The following ZFHX4 variants were observed in gnomAD, a reference collection of about 807,000 sequenced individuals.
ZFHX4 encodes zinc finger homeobox 4, also known as zinc finger homeobox protein 4.
Under a neutral mutation model 267.6 loss-of-function variants are expected in ZFHX4, and 56 were observed. The observed-to-expected ratio is 0.21, with a 90% CI of 0.17 to 0.26. The LOEUF is 0.26. ZFHX4 is among the 10% of genes least tolerant of loss of function. The pLI, the probability that ZFHX4 is intolerant of heterozygous loss-of-function variation, is 1.00. For synonymous variants in ZFHX4, 1,778 were observed against 1,665.6 expected, an observed-to-expected ratio of 1.07 and a Z score of -1.64; for missense variants, 4,332 against 4,420.0, an observed-to-expected ratio of 0.98 and a Z score of 0.56.
At chr8:76,749,187 T>G (rs1214075888) in intron 3 of ZFHX4, among the ~76,000 whole-genome samples, 1 of 152,216 alleles carries the variant, frequency 6.6e-6, no homozygotes, top group East Asian at 1.9e-4. Context: ...AGTTGAGTCC[T>G]TCCACCATCT....
chr8:76,856,773 A>C (rs569266602), intron 10 of ZFHX4, among the ~76,000 whole-genome samples: 13 of 152,250 alleles, frequency 8.5e-5, no homozygotes, highest in Admixed American at 8.5e-4. Context: ...TGACACCCAG[A>C]GTTCAAAAGT....
At chr8:76,812,805 A>G (rs1389324299) in intron 4 of ZFHX4, among the ~76,000 whole-genome samples, 3 of 152,170 alleles carry the variant, frequency 2.0e-5, no homozygotes, top group African/African-American at 7.2e-5. Flanking sequence ...TCTGTCTAAC[A>G]TATTATGTAA....
intron 3 of ZFHX4, among the ~76,000 whole-genome samples, chr8:76,720,208 T>C (rs569749940): frequency 2.6e-5 from 4 of 152,220 alleles, no homozygotes; most frequent in South Asian, 2.1e-4. Flanking sequence ...AATCACTAAT[T>C]GCTTTTTGTC....
chr8:76,754,528 A>G (rs1809713184), intron 3 of ZFHX4, among the ~76,000 whole-genome samples: 1 of 152,128 alleles, frequency 6.6e-6, no homozygotes, highest in Non-Finnish European at 1.5e-5. Flanking sequence ...GTTACACAGC[A>G]TACATTTTTT....
chr8:76,758,581 A>G (rs1331836549), intron 3 of ZFHX4, among the ~76,000 whole-genome samples: 2 of 152,020 alleles, frequency 1.3e-5, no homozygotes, highest in Admixed American at 6.6e-5. Context: ...TGCAGCCTCG[A>G]CCTCCCAGGC....
chr8:76,745,585 A>G (rs953090719), intron 3 of ZFHX4, among the ~76,000 whole-genome samples: 2 of 152,036 alleles, frequency 1.3e-5, no homozygotes, highest in South Asian at 2.1e-4. Flanking sequence ...TAAAAGATAT[A>G]TATATATACA....
At chr8:76,717,964 G>A (rs1032098183) in intron 3 of ZFHX4, among the ~76,000 whole-genome samples, 4 of 152,130 alleles carry the variant, frequency 2.6e-5, no homozygotes, top group East Asian at 3.9e-4. Context: ...CTAACTATTC[G>A]TTTGGCAGGC....
intron 1 of ZFHX4, among the ~76,000 whole-genome samples, chr8:76,693,928 G>C (rs1339573758): frequency 6.6e-6 from 1 of 152,170 alleles, no homozygotes; most frequent in African/African-American, 2.4e-5. Context: ...CCTTACACGA[G>C]CACTTGGCTT....
Position 76,683,716 on chromosome 8 carries a change from T to A in ZFHX4, c.-47+2096T>A, listed in dbSNP as rs561086856. 4 of 150,730 alleles carry A rather than the reference T, an allele frequency of 2.7e-5. No homozygotes were observed. In the East Asian group the frequency reaches 5.9e-4, roughly 22 times the overall value. 9.3% of individuals were successfully genotyped at this position (150,730 alleles called of 1,614,324 possible). On this transcript the variant is annotated intron_variant, in intron 1 of 10. Transcript: ENST00000651372. ...AGACAGAGGAGGGTTTTTTTTTTTT[T>A]ATTGTGTTCTCCTGGATTTTCAGTG...
chr8:76,770,090 T>C (rs548399106), intron 3 of ZFHX4, among the ~76,000 whole-genome samples: 73 of 152,314 alleles, frequency 4.8e-4, no homozygotes, highest in Non-Finnish European at 9.8e-4. Context: ...TTTTTGTAAC[T>C]CTTTTCAAAG....
Position 76,704,449 on chromosome 8 carries a change from G to A in ZFHX4, c.361G>A (p.Asp121Asn). Residue 121 changes from aspartate to asparagine, a missense_variant, in exon 2 of 11, where the codon GAC becomes AAC. By Grantham distance (23) the Asp-to-Asn change is conservative. Coordinates refer to ENST00000651372, the MANE Select transcript of ZFHX4 (RefSeq NM_024721.5). ...DNESEISELE[D>N]SDVENLTGEI... Reference sequence around the variant, plus strand: ...CGAGAGCGAGATCAGCGAGTTAGAGGACAGTGACGTGGAAAATCTAACAGG... The same window carrying A: ...CGAGAGCGAGATCAGCGAGTTAGAGAACAGTGACGTGGAAAATCTAACAGG... 6.2e-7 allele frequency: 1 copy of A among 1,613,986 alleles called. No individual in the cohort carries two copies.
intron 4 of ZFHX4, 107 bp from the exon 5 acceptor site, chr8:76,833,231 A>C (rs866229905): frequency 1.3e-6 from 1 of 786,090 alleles, no homozygotes; most frequent in Middle Eastern, 2.3e-4. Context: ...GCTTCACCTG[A>C]TACTTATCTC....
At chr8:76,752,404 G>C (rs888776499) in intron 3 of ZFHX4, among the ~76,000 whole-genome samples, 16 of 144,224 alleles carry the variant, frequency 1.1e-4, no homozygotes. Context: ...CACTTTGGGA[G>C]ACCGAGGCAG....
intron 3 of ZFHX4, among the ~76,000 whole-genome samples, chr8:76,738,314 G>A (rs1809219724): frequency 6.6e-6 from 1 of 152,078 alleles, no homozygotes; most frequent in Non-Finnish European, 1.5e-5. Flanking sequence ...GTCGGTTAAG[G>A]GATAAGTACT....
intron 4 of ZFHX4, among the ~76,000 whole-genome samples, chr8:76,819,611 G>A (rs1241373486): frequency 6.6e-6 from 1 of 152,156 alleles, no homozygotes; most frequent in Non-Finnish European, 1.5e-5. Flanking sequence ...CTTTTGGTGA[G>A]ACAGGATCAC....
At chr8:76,722,607 G>T (rs1585882793) in intron 3 of ZFHX4, among the ~76,000 whole-genome samples, 1 of 144,546 alleles carries the variant, frequency 6.9e-6, no homozygotes, top group Non-Finnish European at 1.5e-5. Context: ...CTTTTTATGT[G>T]TTTTTTTTTT....
At chr8:76,786,831 A>G (rs983534724) in intron 4 of ZFHX4, among the ~76,000 whole-genome samples, 2 of 152,202 alleles carry the variant, frequency 1.3e-5, no homozygotes, top group East Asian at 1.9e-4. Context: ...CACTGTTCAC[A>G]GCACTTTTGA....
chr8:76,833,432 A>G (rs753337212), intron 5 of ZFHX4, 26 bp downstream of exon 5: 30 of 1,559,736 alleles, frequency 1.9e-5, no homozygotes, highest in Non-Finnish European at 2.5e-5. Flanking sequence ...CCTTCTCAAA[A>G]TATTTCCTTG....
intron 3 of ZFHX4, among the ~76,000 whole-genome samples, chr8:76,725,934 CATTAATAGATTTGTGTTG>C (rs1808840664): frequency 1.3e-5 from 2 of 152,068 alleles, no homozygotes; most frequent in Admixed American, 6.6e-5. Context: ...CAAATTAAAG[CATTAATAGATTTGTGTTG>C]CTTGAGGAAG....
Sources: gnomAD v4.1 joint callset for allele counts (sites outside exome capture counted in the v4.1 genomes callset) on GRCh38, gnomAD v4.1.1 for gene constraint, MANE v1.5 for transcripts, NCBI Gene and HGNC (gene_info 2026-07-23, HGNC 2026-07-21) for gene names.